Variants in CHRM5 observed in about 807,000 individuals in gnomAD.
CHRM5 encodes the protein cholinergic receptor muscarinic 5.
Under a neutral mutation model 39.0 loss-of-function variants are expected in CHRM5, and 18 were observed. That is an observed-to-expected ratio of 0.46 (90% CI 0.32 to 0.68). CHRM5 has a LOEUF of 0.68. Ranked by LOEUF, CHRM5 falls within the 30% of genes least tolerant of loss-of-function variation. The pLI is 0.04. For synonymous variants in CHRM5, 241 were observed against 246.3 expected (o/e 0.98, Z 0.20); for missense variants, 515 against 651.1 (o/e 0.79, Z 2.28).
intron 1 of CHRM5, among the ~76,000 whole-genome samples, chr15:34,013,552 G>T (rs534578401): frequency 6.6e-6 from 1 of 152,256 alleles, no homozygotes; most frequent in South Asian, 2.1e-4. Context: ...AGTGTTTCCT[G>T]AGTAGTTACT....
intron 1 of CHRM5, among the ~76,000 whole-genome samples, chr15:34,032,015 G>A (rs957261633): frequency 6.4e-5 from 7 of 109,440 alleles, no homozygotes; most frequent in South Asian, 3.8e-4. Context: ...ACACATACGC[G>A]CGCACACGCA....
chr15:34,016,976 C>A (rs28562640), intron 1 of CHRM5, among the ~76,000 whole-genome samples: 19,648 of 151,154 alleles, frequency 0.13, 1,682 homozygotes, highest in African/African-American at 0.23. Flanking sequence ...AAAAAAGTAC[C>A]AAAAATTAGC....
intron 1 of CHRM5, among the ~76,000 whole-genome samples, chr15:34,028,898 GA>G (rs559083200): frequency 1.3e-4 from 19 of 145,760 alleles, no homozygotes; most frequent in South Asian, 6.5e-4. Context: ...ACAGATGCCA[GA>G]AAAAAAAAAA....
intron 1 of CHRM5, chr15:34,038,882 A>C (rs1199602571): frequency 4.4e-6 from 5 of 1,139,196 alleles, no homozygotes; most frequent in Non-Finnish European, 5.4e-6. Flanking sequence ...AGCCCCGGCC[A>C]CGGCCACGGC....
intron 1 of CHRM5, among the ~76,000 whole-genome samples, chr15:33,975,457 A>T (rs1027086540): frequency 6.6e-6 from 1 of 152,258 alleles, no homozygotes; most frequent in African/African-American, 2.4e-5. Context: ...CAAATAAATT[A>T]TAAGTTGATT....
chr15:34,063,771 G>A lies in CHRM5; in HGVS notation c.1054G>A (p.Glu352Lys). 6.2e-7 allele frequency: 1 copy of A among 1,614,142 alleles called. No homozygotes were observed. The highest frequency in any genetic ancestry group is 8.5e-7 in the Non-Finnish European group (1 of 1,180,030). Residue 352 changes from glutamate to lysine, a missense_variant, in exon 3 of 3, where the codon GAA becomes AAA. Coordinates refer to ENST00000383263, the MANE Select transcript of CHRM5 (RefSeq NM_012125.4). The surrounding 1 kb of genome is among the most constrained non-coding windows in gnomAD (Gnocchi z 4.1). ...GGAAACTTTTGTGAAAGCTGAAACT[G>A]AAAAAAGTGACTATGACACCCCAAA... is the stretch of plus-strand genomic sequence containing the variant. ...TEETFVKAET[E>K]KSDYDTPNYL... is the part of the protein sequence containing the mutation.
At chr15:34,035,115 T>C (rs1346103650) in intron 1 of CHRM5, among the ~76,000 whole-genome samples, 3 of 152,162 alleles carry the variant, frequency 2.0e-5, no homozygotes, top group Non-Finnish European at 4.4e-5. Context: ...GAAATGAAAA[T>C]GTCAACGCCA....
intron 1 of CHRM5, among the ~76,000 whole-genome samples, chr15:33,989,625 T>G (rs964017656): frequency 7.2e-5 from 11 of 152,104 alleles, no homozygotes; most frequent in Non-Finnish European, 2.9e-5. Context: ...TTTCATAGTC[T>G]CTGAATTCAT....
At chr15:34,054,057 G>A (rs142620539) in intron 2 of CHRM5, among the ~76,000 whole-genome samples, 75 of 151,934 alleles carry the variant, frequency 4.9e-4, no homozygotes, top group African/African-American at 1.7e-3. Flanking sequence ...ACATACATGC[G>A]GCCAAAAAAC....
At chr15:33,980,373 C>G (rs932592932) in intron 1 of CHRM5, among the ~76,000 whole-genome samples, 1 of 152,172 alleles carries the variant, frequency 6.6e-6, no homozygotes, top group Non-Finnish European at 1.5e-5. Context: ...CCTGCTCTAA[C>G]GTGATTCCAC....
At chr15:33,996,227 C>T (rs961880715) in intron 1 of CHRM5, among the ~76,000 whole-genome samples, 1 of 152,224 alleles carries the variant, frequency 6.6e-6, no homozygotes, top group Non-Finnish European at 1.5e-5. Flanking sequence ...CCTGCTGCCT[C>T]TGTAGACCCC....
chr15:34,001,494 A>C (rs1351887666), intron 1 of CHRM5, among the ~76,000 whole-genome samples: 1 of 152,196 alleles, frequency 6.6e-6, no homozygotes, highest in African/African-American at 2.4e-5. Context: ...AGCTGTTGAG[A>C]ATTAAAACTA....
At chr15:34,048,593 T>A (rs572933576) in intron 2 of CHRM5, among the ~76,000 whole-genome samples, 1 of 152,322 alleles carries the variant, frequency 6.6e-6, no homozygotes, top group South Asian at 2.1e-4. Context: ...CCGCCATCTC[T>A]ACAGTTTGGT....
rs866215707 is a variant in CHRM5 at position 33,996,280 on chromosome 15, C to T, written c.-408+27130C>T. Among the ~76,000 whole-genome samples the T allele has an allele frequency of 3.9e-5, 6 of 152,010 alleles. No individual in the cohort carries two copies. The South Asian group carries it at 6.2e-4, about 16-fold the overall frequency. The stretch of plus-strand genomic sequence containing the variant: ...ATAGCTGGACAAACGGCAGCAGAAA[C>T]TTCTGCAGACTTAAACGTCCCTGTC... On this transcript the variant is annotated intron_variant, in intron 1 of 2. Transcript: ENST00000383263.
At chr15:34,052,964 T>C (rs913113614) in intron 2 of CHRM5, among the ~76,000 whole-genome samples, 2 of 152,076 alleles carry the variant, frequency 1.3e-5, no homozygotes, top group Non-Finnish European at 1.5e-5. Flanking sequence ...GAAACTACCA[T>C]TGATATTCTT....
At position 34,011,751 on chromosome 15, in the gene CHRM5, T is replaced by C. The variant is rs576121635; in HGVS notation, c.-407-34789T>C. 2.0e-5 allele frequency among the ~76,000 whole-genome samples: 3 copies of C among 152,330 alleles called. No homozygotes were observed. The East Asian group carries it at 5.8e-4, about 29-fold the overall frequency. On this transcript the variant is annotated intron_variant, in intron 1 of 2. Coordinates refer to ENST00000383263, the MANE Select transcript of CHRM5 (RefSeq NM_012125.4). ...CCTAAGTCCTTATATCTTTCTCATG[T>C]GTGTCATTTTGCTTCCAAGTCGGCT...
intron 1 of CHRM5, chr15:33,991,091 T>G (rs1038608443): frequency 1.3e-5 from 2 of 152,174 alleles, no homozygotes; most frequent in Non-Finnish European, 2.9e-5. Context: ...ATAATTATTT[T>G]ATGTCTAATC....
intron 1 of CHRM5, among the ~76,000 whole-genome samples, chr15:34,015,383 G>C (rs1897847128): frequency 6.6e-6 from 1 of 152,116 alleles, no homozygotes; most frequent in African/African-American, 2.4e-5. Context: ...TCGGGAGGCT[G>C]AGGCAGGAGA....
At chr15:34,025,500 A>C (rs1318407481) in intron 1 of CHRM5, among the ~76,000 whole-genome samples, 2 of 152,286 alleles carry the variant, frequency 1.3e-5, no homozygotes, top group Non-Finnish European at 2.9e-5. Context: ...CCCTTCATCC[A>C]TACATCATTG....
Sources: gnomAD v4.1 joint callset for allele counts (sites outside exome capture counted in the v4.1 genomes callset) on GRCh38, gnomAD v4.1.1 for gene constraint, Gnocchi (gnomAD v3.1) non-coding constraint, MANE v1.5 for transcripts, NCBI Gene and HGNC (gene_info 2026-07-23, HGNC 2026-07-21) for gene names.